The following KCNH8 variants were observed in gnomAD, a reference collection of about 807,000 sequenced individuals.
KCNH8 encodes the protein voltage-gated delayed rectifier potassium channel KCNH8.
Under a neutral mutation model 103.6 loss-of-function variants are expected in KCNH8, and 70 were observed. The observed-to-expected ratio is 0.68, with a 90% CI of 0.56 to 0.82. KCNH8 has a LOEUF of 0.82. Ranked by LOEUF, KCNH8 falls within the 40% of genes least tolerant of loss-of-function variation. The pLI, the probability that KCNH8 is intolerant of heterozygous loss-of-function variation, is 0.00. For missense variants in KCNH8, 1,217 were observed against 1,329.9 expected (o/e 0.92, Z 1.32); for synonymous variants, 498 against 489.4 (o/e 1.02, Z -0.23).
intron 1 of KCNH8, among the ~76,000 whole-genome samples, chr3:19,168,146 A>T (rs1575409027): frequency 6.6e-6 from 1 of 151,554 alleles, no homozygotes; most frequent in African/African-American, 2.4e-5. Flanking sequence ...AGTAGCTGGG[A>T]TTACAGGTGC....
intron 4 of KCNH8, among the ~76,000 whole-genome samples, chr3:19,347,219 G>A (rs2065740695): frequency 6.6e-6 from 1 of 152,058 alleles, no homozygotes; most frequent in Non-Finnish European, 1.5e-5. Flanking sequence ...GGAAAGAAAT[G>A]TAAACTGTTT....
intron 1 of KCNH8, among the ~76,000 whole-genome samples, chr3:19,196,114 G>A (rs2063599454): frequency 6.6e-6 from 1 of 151,964 alleles, no homozygotes; most frequent in East Asian, 1.9e-4. Context: ...TATTGGGCCA[G>A]GCTGACATTT....
At chr3:19,192,144 CTTA>C (rs1435275080) in intron 1 of KCNH8, among the ~76,000 whole-genome samples, 1 of 151,544 alleles carries the variant, frequency 6.6e-6, no homozygotes, top group East Asian at 1.9e-4. Context: ...AATTTTCCCT[CTTA>C]TTATTGTTTG....
chr3:19,512,573 C>T (rs1471980186), intron 12 of KCNH8, among the ~76,000 whole-genome samples: 1 of 152,116 alleles, frequency 6.6e-6, no homozygotes, highest in African/African-American at 2.4e-5. Context: ...AATAACAAGG[C>T]CTAAGACCCT....
intron 13 of KCNH8, among the ~76,000 whole-genome samples, chr3:19,514,557 G>T (rs184168417): frequency 2.2e-4 from 33 of 151,532 alleles, no homozygotes; most frequent in Non-Finnish European, 2.4e-4. Flanking sequence ...TATAGTAGTA[G>T]ATTACAGGTG....
At chr3:19,283,568 C>T (rs1402719725) in intron 3 of KCNH8, among the ~76,000 whole-genome samples, 1 of 151,758 alleles carries the variant, frequency 6.6e-6, no homozygotes, top group African/African-American at 2.4e-5. Context: ...TCTATTGCTA[C>T]CTTATTATAA....
At chr3:19,300,409 G>A (rs1189082204) in intron 3 of KCNH8, among the ~76,000 whole-genome samples, 1 of 152,156 alleles carries the variant, frequency 6.6e-6, no homozygotes, top group East Asian at 1.9e-4. Flanking sequence ...ACAAGACAGA[G>A]AAACATAGTT....
chr3:19,274,810 A>T (rs1462171520), intron 2 of KCNH8, among the ~76,000 whole-genome samples: 1 of 132,804 alleles, frequency 7.5e-6, no homozygotes, highest in Non-Finnish European at 1.6e-5. Flanking sequence ...GTTAATCATA[A>T]CTTGATTTCC....
At chr3:19,397,510 CAT>C (rs1399163685) in intron 7 of KCNH8, among the ~76,000 whole-genome samples, 1 of 149,948 alleles carries the variant, frequency 6.7e-6, no homozygotes, top group Non-Finnish European at 1.5e-5. Flanking sequence ...TACACACACA[CAT>C]ATATATACGT....
At position 19,170,277 on chromosome 3, in the gene KCNH8, C is replaced by G. The variant is rs76245869; in HGVS notation, c.76+21482C>G. On this transcript the variant is annotated intron_variant, in intron 1 of 15. Transcript: ENST00000328405. Reference sequence around the variant, plus strand: ...CCCTTTCTTAACAGTTCCCTAAGCTCTATGTTTAACACACACAAATGTATA... The same window carrying G: ...CCCTTTCTTAACAGTTCCCTAAGCTGTATGTTTAACACACACAAATGTATA... Among the ~76,000 whole-genome samples the G allele has an allele frequency of 3.7e-3, 556 of 152,248 alleles. 1 individual carries two copies. The highest frequency in any genetic ancestry group is 5.7e-3 in the Admixed American group (88 of 15,310).
At chr3:19,257,432 G>A (rs1223311819) in intron 2 of KCNH8, among the ~76,000 whole-genome samples, 1 of 151,958 alleles carries the variant, frequency 6.6e-6, no homozygotes, top group African/African-American at 2.4e-5. Context: ...ACACTGAGAT[G>A]TCATGTCCTA....
At chr3:19,469,157 T>G (rs1290281925) in intron 11 of KCNH8, among the ~76,000 whole-genome samples, 1 of 152,194 alleles carries the variant, frequency 6.6e-6, no homozygotes, top group Non-Finnish European at 1.5e-5. Context: ...TCTTCACTTT[T>G]CTGAGATAAT....
At chr3:19,529,556 T>G (rs1282754161) in intron 15 of KCNH8, among the ~76,000 whole-genome samples, 1 of 152,168 alleles carries the variant, frequency 6.6e-6, no homozygotes, top group East Asian at 1.9e-4. Flanking sequence ...ATTCTTTGCC[T>G]TCAACATTTG....
intron 1 of KCNH8, among the ~76,000 whole-genome samples, chr3:19,207,496 T>C (rs2063729213): frequency 6.6e-6 from 1 of 152,014 alleles, no homozygotes; most frequent in Non-Finnish European, 1.5e-5. Flanking sequence ...GCCTAGATTA[T>C]TCAAATAGTC....
At chr3:19,348,039 G>T in intron 5 of KCNH8, 74 bp downstream of exon 5, 2 of 1,541,230 alleles carry the variant, frequency 1.3e-6, no homozygotes, top group South Asian at 1.2e-5. Flanking sequence ...TTTCTGACAT[G>T]AATTTGAACT....
intron 10 of KCNH8, among the ~76,000 whole-genome samples, chr3:19,452,714 T>A (rs1195069776): frequency 1.3e-5 from 2 of 152,192 alleles, no homozygotes; most frequent in Non-Finnish European, 2.9e-5. Context: ...TGTAAACAAT[T>A]ATTTGCAAAG....
chr3:19,175,322 C>G (rs979686118), intron 1 of KCNH8, among the ~76,000 whole-genome samples: 3 of 151,080 alleles, frequency 2.0e-5, no homozygotes, highest in Admixed American at 6.6e-5. Context: ...CCCGGGTTCA[C>G]GCCATTCTCC....
At chr3:19,443,841 A>G (rs943386741) in intron 8 of KCNH8, among the ~76,000 whole-genome samples, 11 of 152,142 alleles carry the variant, frequency 7.2e-5, no homozygotes, top group Non-Finnish European at 1.3e-4. Context: ...ATAACTAAAA[A>G]TTTGTAAGAC....
intron 3 of KCNH8, among the ~76,000 whole-genome samples, chr3:19,324,401 A>T (rs563570398): frequency 2.1e-4 from 32 of 152,128 alleles, no homozygotes; most frequent in Non-Finnish European, 4.6e-4. Context: ...ACACTTACAA[A>T]ACCATCAGAT....
Sources: gnomAD v4.1 joint callset for allele counts (sites outside exome capture counted in the v4.1 genomes callset) on GRCh38, gnomAD v4.1.1 for gene constraint, MANE v1.5 for transcripts, NCBI Gene and HGNC (gene_info 2026-07-23, HGNC 2026-07-21) for gene names.